Variants in ZBTB7C observed in about 807,000 individuals in gnomAD.
The protein encoded by ZBTB7C is zinc finger and BTB domain containing 7C.
ZBTB7C carries 8 observed loss-of-function variants against 25.7 expected under a neutral mutation model. The observed-to-expected ratio is 0.31, with a 90% CI of 0.18 to 0.56. ZBTB7C has a LOEUF of 0.56. Ranked by LOEUF, ZBTB7C falls within the 20% of genes least tolerant of loss-of-function variation. ZBTB7C has a pLI of 0.91. For missense variants in ZBTB7C, 824 were observed against 855.2 expected (o/e 0.96, Z 0.46); for synonymous variants, 394 against 369.0 (o/e 1.07, Z -0.78).
intron 1 of ZBTB7C, among the ~76,000 whole-genome samples, chr18:48,339,219 G>A (rs2046534426): frequency 6.6e-6 from 1 of 152,236 alleles, no homozygotes; most frequent in Non-Finnish European, 1.5e-5. Flanking sequence ...ATCTCTTGGG[G>A]GTGAAAAGAG....
At chr18:48,140,017 C>T (rs796628630) in intron 3 of ZBTB7C, among the ~76,000 whole-genome samples, 9 of 152,316 alleles carry the variant, frequency 5.9e-5, no homozygotes, top group African/African-American at 1.9e-4. Context: ...TGGCTTCACA[C>T]GGCAAGCCTG....
At chr18:48,167,601 C>CGT (rs2041309859) in intron 3 of ZBTB7C, among the ~76,000 whole-genome samples, 3 of 55,210 alleles carry the variant, frequency 5.4e-5, no homozygotes, top group Non-Finnish European at 1.2e-4. Context: ...TGTGTGTGCG[C>CGT]GCGTGCACAC....
At chr18:48,293,616 C>G (rs986851908) in intron 2 of ZBTB7C, among the ~76,000 whole-genome samples, 2 of 152,008 alleles carry the variant, frequency 1.3e-5, no homozygotes, top group African/African-American at 4.8e-5. Flanking sequence ...AAAAGCAGTC[C>G]AAAGACTGAA....
At chr18:48,328,780 G>A (rs2046282354) in intron 2 of ZBTB7C, among the ~76,000 whole-genome samples, 1 of 152,042 alleles carries the variant, frequency 6.6e-6, no homozygotes, top group Non-Finnish European at 1.5e-5. Flanking sequence ...GTGCCTGGTA[G>A]GGAAAAAGCA....
rs528326570 is a variant in ZBTB7C, at chr18:48,119,085, C to T, written c.-17+66849G>A. ...CTTGTTAAAACAAAGATCACTGTGTCCCATCCTCAGGGTTTCTGATTCAGT... is the reference window on the plus strand; with the variant it reads ...CTTGTTAAAACAAAGATCACTGTGTTCCATCCTCAGGGTTTCTGATTCAGT... On this transcript the variant is annotated intron_variant, in intron 3 of 4. Transcript: ENST00000590800. Among the ~76,000 whole-genome samples, 20 of 152,218 alleles carry T rather than the reference C, an allele frequency of 1.3e-4. No homozygotes were observed. The East Asian group carries it at 3.1e-3, about 23-fold the overall frequency.
chr18:48,249,107 GT>G (rs1222977798), intron 2 of ZBTB7C, among the ~76,000 whole-genome samples: 1 of 152,184 alleles, frequency 6.6e-6, no homozygotes, highest in African/African-American at 2.4e-5. Flanking sequence ...TAGAAAAACA[GT>G]TTTTGCTAAC....
chr18:48,085,854 G>T (rs1180076180), intron 3 of ZBTB7C, among the ~76,000 whole-genome samples: 1 of 152,080 alleles, frequency 6.6e-6, no homozygotes, highest in Non-Finnish European at 1.5e-5. Context: ...CCTGGCTCCA[G>T]CAGCAGATTC....
At chr18:48,142,748 G>T (rs2040386736) in intron 3 of ZBTB7C, among the ~76,000 whole-genome samples, 1 of 148,722 alleles carries the variant, frequency 6.7e-6, no homozygotes, top group Non-Finnish European at 1.5e-5. Context: ...GGCAGGAAAG[G>T]GGGTGGCACC....
intron 3 of ZBTB7C, among the ~76,000 whole-genome samples, chr18:48,051,636 A>G (rs372041426): frequency 2.2e-4 from 34 of 152,214 alleles, no homozygotes; most frequent in African/African-American, 8.0e-4. Flanking sequence ...ATCTTCCCTG[A>G]GGCCATTGCT....
rs75001759 is a variant in ZBTB7C, at chr18:48,396,558, T to C, written c.-304+12668A>G. Among the ~76,000 whole-genome samples, 333 of 152,322 alleles carry C rather than the reference T, an allele frequency of 2.2e-3. 1 individual carries two copies. Among genetic ancestry groups the C allele is most frequent in the African/African-American group, 7.5e-3 (311 of 41,568 alleles). On this transcript the variant is annotated intron_variant, in intron 1 of 4. Coordinates refer to ENST00000590800, the MANE Select transcript of ZBTB7C (RefSeq NM_001318841.2). ...TGGTTTATATTTAGTTGTAAGCTAG[T>C]ACTAGGACAGAGAAACCTTGAGATT...
In ZBTB7C at chr18:48,040,631, T is replaced by TTCC. The variant is rs761290843; in HGVS notation, c.474_476dup (p.Glu162dup). On this transcript the variant is annotated inframe_insertion, in exon 4 of 5. Transcript: ENST00000590800. ...TGTCATCATCGTCATCCTCCTCCTCTTCCTCCTCCTCCTCTTCGTCCTCCT... is the reference window on the plus strand; with the variant it reads ...TGTCATCATCGTCATCCTCCTCCTCTTCCTCCTCCTCCTCCTCTTCGTCCTCCT... The TTCC allele has an allele frequency of 1.8e-5, 29 of 1,610,610 alleles. No homozygotes were observed. In the Middle Eastern group the frequency reaches 5.0e-4, roughly 28 times the overall value.
At chr18:48,080,943 C>A (rs1201611453) in intron 3 of ZBTB7C, among the ~76,000 whole-genome samples, 1 of 152,198 alleles carries the variant, frequency 6.6e-6, no homozygotes, top group Non-Finnish European at 1.5e-5. Flanking sequence ...TTCGTGTATT[C>A]TTTCCTCACT....
At chr18:48,373,916 G>A (rs539635983) in intron 1 of ZBTB7C, among the ~76,000 whole-genome samples, 15 of 151,396 alleles carry the variant, frequency 9.9e-5, no homozygotes, top group Admixed American at 4.6e-4. Context: ...AGCTGAGATC[G>A]CGCCACTGCA....
chr18:48,153,230 C>A (rs781702077), intron 3 of ZBTB7C, among the ~76,000 whole-genome samples: 10 of 152,192 alleles, frequency 6.6e-5, no homozygotes, highest in Non-Finnish European at 1.0e-4. Flanking sequence ...ATGAGCCAGG[C>A]AACATATAAA....
intron 1 of ZBTB7C, among the ~76,000 whole-genome samples, chr18:48,343,758 G>A (rs1385951784): frequency 2.0e-5 from 3 of 152,128 alleles, no homozygotes; most frequent in Non-Finnish European, 4.4e-5. Flanking sequence ...CATCATCTGC[G>A]GATCTGGATT....
At chr18:48,130,117 C>A (rs2039942828) in intron 3 of ZBTB7C, among the ~76,000 whole-genome samples, 1 of 152,156 alleles carries the variant, frequency 6.6e-6, no homozygotes, top group African/African-American at 2.4e-5. Flanking sequence ...GAATGCAGGC[C>A]TCTCCAAAAT....
chr18:48,273,502 A>C (rs2044551390), intron 2 of ZBTB7C, among the ~76,000 whole-genome samples: 1 of 152,172 alleles, frequency 6.6e-6, no homozygotes, highest in African/African-American at 2.4e-5. Flanking sequence ...ACCTCAATGA[A>C]GTTTGAAACA....
chr18:48,305,318 G>T (rs543043725), intron 2 of ZBTB7C, among the ~76,000 whole-genome samples: 43 of 152,300 alleles, frequency 2.8e-4, no homozygotes, highest in Admixed American at 1.8e-3. Context: ...CAAAACAAAA[G>T]GTTAAATAGT....
At chr18:48,108,937 A>G (rs2144654228) in intron 3 of ZBTB7C, among the ~76,000 whole-genome samples, 1 of 152,152 alleles carries the variant, frequency 6.6e-6, no homozygotes, top group East Asian at 1.9e-4. Flanking sequence ...AACTGTATGA[A>G]AAAGTGGGGA....
Sources: gnomAD v4.1 joint callset for allele counts (sites outside exome capture counted in the v4.1 genomes callset) on GRCh38, gnomAD v4.1.1 for gene constraint, MANE v1.5 for transcripts, NCBI Gene and HGNC (gene_info 2026-07-23, HGNC 2026-07-21) for gene names.